Variants in COBLL1 observed in about 807,000 individuals in gnomAD.
COBLL1 encodes the protein cordon-bleu protein-like 1.
A neutral mutation model predicts 94.8 loss-of-function variants in COBLL1; 50 were observed. The observed-to-expected ratio is 0.53, with a 90% CI of 0.42 to 0.67. The LOEUF (loss-of-function observed/expected upper bound fraction) is 0.67. COBLL1 is among the 30% of genes least tolerant of loss of function. The probability of loss-of-function intolerance (pLI) is 0.00; values close to 1 mark genes in which losing one functional copy is unlikely to be tolerated. For missense variants in COBLL1, 1,362 were observed against 1,348.7 expected (o/e 1.01, Z -0.15); for synonymous variants, 448 against 473.8 (o/e 0.95, Z 0.71).
chr2:164,672,576 G>A (rs940553816), intron 1 of COBLL1, among the ~76,000 whole-genome samples: 2 of 151,676 alleles, frequency 1.3e-5, no homozygotes, highest in African/African-American at 4.8e-5. Context: ...GCGGGCGCCT[G>A]TAGTCCCAGC....
intron 7 of COBLL1, among the ~76,000 whole-genome samples, chr2:164,707,168 G>C (rs1684646380): frequency 6.6e-6 from 1 of 151,116 alleles, no homozygotes. Flanking sequence ...TTTTGAAACA[G>C]AGTCTCACTC....
At position 164,743,745 on chromosome 2, in the gene COBLL1, C is replaced by A. The variant is rs754772156; in HGVS notation, c.172G>T (p.Val58Phe). ...EQKENMIDKD[V>F]ELSVVLPGDI... ...CCAGGTAGGACCACTGAGAGTTCAA[C>A]GTCTTTATCTATCATGTTTTCTTTC... The change falls in exon 3 of 14, where the codon GTT (valine) becomes TTT (phenylalanine). Residue 58 changes from valine (V) to phenylalanine (F), a missense_variant. Transcript: ENST00000652658. 4 of 1,613,504 alleles carry A rather than the reference C, an allele frequency of 2.5e-6. No individual in the cohort carries two copies. The South Asian group carries it at 3.3e-5, about 13-fold the overall frequency.
intron 2 of COBLL1, among the ~76,000 whole-genome samples, chr2:164,756,122 T>A (rs1372522858): frequency 6.6e-6 from 1 of 151,894 alleles, no homozygotes; most frequent in Non-Finnish European, 1.5e-5. Flanking sequence ...AGTGAGGGAA[T>A]GTGCTAGTGA....
At chr2:164,718,230 C>T (rs1685274143) in intron 7 of COBLL1, 3 of 984,056 alleles carry the variant, frequency 3.0e-6, no homozygotes, top group South Asian at 9.4e-5. Flanking sequence ...TGCTGGAGAA[C>T]ACAATTCCTG....
intron 2 of COBLL1, among the ~76,000 whole-genome samples, chr2:164,813,658 C>T (rs752786845): frequency 4.7e-4 from 71 of 152,244 alleles, no homozygotes; most frequent in Non-Finnish European, 8.8e-4. Context: ...AAATACAGGG[C>T]TTCCAATTTC....
At chr2:164,730,730 T>C (rs1392893314) in intron 3 of COBLL1, among the ~76,000 whole-genome samples, 2 of 152,178 alleles carry the variant, frequency 1.3e-5, no homozygotes, top group Non-Finnish European at 2.9e-5. Flanking sequence ...AGAGCAGTCC[T>C]TCACAACACA....
chr2:164,688,161 A>AAT (rs1457897675), intron 13 of COBLL1, among the ~76,000 whole-genome samples: 2 of 152,222 alleles, frequency 1.3e-5, no homozygotes, highest in African/African-American at 4.8e-5. Flanking sequence ...ACATTTACAT[A>AAT]CTACAGAAGT....
intron 2 of COBLL1, among the ~76,000 whole-genome samples, chr2:164,794,876 T>C (rs981651490): frequency 1.3e-5 from 2 of 152,212 alleles, no homozygotes; most frequent in African/African-American, 2.4e-5. Context: ...AATTCACAAA[T>C]CTTTGCCCCA....
At chr2:164,810,109 C>T (rs1008658784) in intron 2 of COBLL1, among the ~76,000 whole-genome samples, 3 of 151,598 alleles carry the variant, frequency 2.0e-5, no homozygotes, top group Non-Finnish European at 3.0e-5. Flanking sequence ...GATCTCAACC[C>T]AAACAGACAT....
At chr2:164,734,229 A>T (rs999456934) in intron 3 of COBLL1, among the ~76,000 whole-genome samples, 1 of 152,050 alleles carries the variant, frequency 6.6e-6, no homozygotes, top group African/African-American at 2.4e-5. Context: ...AAAAAAAAAA[A>T]ATAAGGAAAG....
chr2:164,713,804 A>C (rs1007189779), intron 7 of COBLL1, among the ~76,000 whole-genome samples: 1 of 152,186 alleles, frequency 6.6e-6, no homozygotes, highest in Non-Finnish European at 1.5e-5. Flanking sequence ...TTGTACTTTA[A>C]GTTTCTGAAA....
At chr2:164,711,006 C>T (rs1048750969) in intron 7 of COBLL1, among the ~76,000 whole-genome samples, 3 of 152,110 alleles carry the variant, frequency 2.0e-5, no homozygotes, top group African/African-American at 7.2e-5. Context: ...TGGAGAGAGG[C>T]TTACAGAGAG....
At chr2:164,669,590 T>A (rs534499707) in intron 1 of COBLL1, among the ~76,000 whole-genome samples, 2 of 152,334 alleles carry the variant, frequency 1.3e-5, no homozygotes, top group Admixed American at 6.5e-5. Flanking sequence ...TCAGAAGAAA[T>A]GGACTGAATG....
chr2:164,759,162 T>A (rs1687560567), intron 2 of COBLL1, among the ~76,000 whole-genome samples: 2 of 152,176 alleles, frequency 1.3e-5, no homozygotes, highest in African/African-American at 2.4e-5. Context: ...CTCTCAAATA[T>A]GAACTTGGGT....
chr2:164,818,799 G>A lies in COBLL1; in HGVS notation c.41+22357C>T, dbSNP rs182956986. Among the ~76,000 whole-genome samples the A allele has an allele frequency of 2.6e-3, 346 of 135,156 alleles. 4 individuals carry two copies. The highest frequency in any genetic ancestry group is 0.011 in the African/African-American group (321 of 30,498). The allele number at this position is 135,156 out of a possible 152,430, so 88.7% of individuals were successfully genotyped here. A position where few individuals can be genotyped will look rare whatever the true frequency, so the allele number is the denominator to read the frequency against. On this transcript the variant is annotated intron_variant, in intron 2 of 13. Transcript: ENST00000652658. ...ATATATATACATATAATTTTTTTTC[G>A]AGATCTTGCTCTGTCACTCGGTGCT...
chr2:164,740,680 C>T (rs77023145), intron 3 of COBLL1, among the ~76,000 whole-genome samples: 2,277 of 152,274 alleles, frequency 0.015, 53 homozygotes, highest in African/African-American at 0.052. Flanking sequence ...ATGATATTCT[C>T]ATGGCTCTGT....
intron 1 of COBLL1, among the ~76,000 whole-genome samples, chr2:164,666,212 T>C (rs562506954): frequency 1.3e-5 from 2 of 152,302 alleles, no homozygotes; most frequent in African/African-American, 4.8e-5. Context: ...TCTAGACCAC[T>C]ACAATATAAT....
At chr2:164,705,669 T>C (rs1240287312) in intron 7 of COBLL1, among the ~76,000 whole-genome samples, 2 of 152,172 alleles carry the variant, frequency 1.3e-5, no homozygotes, top group Non-Finnish European at 2.9e-5. Context: ...AAATGCCATG[T>C]CATCTTTGCT....
At chr2:164,733,932 T>C (rs928128889) in intron 3 of COBLL1, among the ~76,000 whole-genome samples, 2 of 152,220 alleles carry the variant, frequency 1.3e-5, no homozygotes, top group Admixed American at 1.3e-4. Context: ...ATGGCTGCCA[T>C]ACTGGATAGA....
Sources: gnomAD v4.1 joint callset for allele counts (sites outside exome capture counted in the v4.1 genomes callset) on GRCh38, gnomAD v4.1.1 for gene constraint, MANE v1.5 for transcripts, NCBI Gene and HGNC (gene_info 2026-07-23, HGNC 2026-07-21) for gene names.